PPP2R2C: variants seen among roughly 807,000 people sequenced by gnomAD.
The protein encoded by PPP2R2C is protein phosphatase 2, regulatory subunit B, gamma.
PPP2R2C carries 10 observed loss-of-function variants against 45.3 expected under a neutral mutation model. That is an observed-to-expected ratio of 0.22 (90% CI 0.14 to 0.37). The LOEUF (loss-of-function observed/expected upper bound fraction) is 0.37. Ranked by LOEUF, PPP2R2C falls within the 10% of genes least tolerant of loss-of-function variation. The probability of loss-of-function intolerance (pLI) is 1.00; values close to 1 mark genes in which losing one functional copy is unlikely to be tolerated. For synonymous variants in PPP2R2C, 257 were observed against 245.4 expected, an observed-to-expected ratio of 1.05 and a Z score of -0.44; for missense variants, 308 against 619.7, an observed-to-expected ratio of 0.50 and a Z score of 5.34.
rs111897521 is a variant in PPP2R2C, at chr4:6,329,740, C to A, written c.961-387G>T. Among the ~76,000 whole-genome samples the A allele has an allele frequency of 4.9e-3, 740 of 152,248 alleles. 2 individuals are homozygous for A. The highest frequency in any genetic ancestry group is 0.017 in the African/African-American group (711 of 41,542). ...GCTGTGGCCAGAGACGGGAGTAGCA[C>A]CAGGGAGCAGAGTCCACTGTGACAA... On this transcript the variant is annotated intron_variant, in intron 7 of 8. Coordinates refer to ENST00000382599, the MANE Select transcript of PPP2R2C (RefSeq NM_020416.4). The surrounding 1 kb of genome is among the most constrained non-coding windows in gnomAD (Gnocchi z 5.8).
rs182262112 is a variant in PPP2R2C at position 6,432,576 on chromosome 4, G to C, written c.70+39584C>G. Among the ~76,000 whole-genome samples, 509 of 152,306 alleles carry C rather than the reference G, an allele frequency of 3.3e-3. 5 individuals are homozygous for C. The highest frequency in any genetic ancestry group is 0.012 in the African/African-American group (482 of 41,560). On this transcript the variant is annotated intron_variant, in intron 1 of 8. Coordinates refer to ENST00000382599, the MANE Select transcript of PPP2R2C (RefSeq NM_020416.4). ...CCAGTATTTCAGGATAGAGGATTTG[G>C]ACTGTACAGTAATATGGTGCACAGG...
At chr4:6,495,894 A>G (rs76641211) in intron 2 of PPP2R2C, among the ~76,000 whole-genome samples, 1,907 of 152,306 alleles carry the variant, frequency 0.013, 10 homozygotes, top group Non-Finnish European at 0.021. Context: ...TGCATCTTAG[A>G]GGGCTAAAAT....
At chr4:6,381,903 C>T (rs745775806) in intron 1 of PPP2R2C, 93 of 1,594,990 alleles carry the variant, frequency 5.8e-5, no homozygotes, top group Non-Finnish European at 7.8e-5. Flanking sequence ...CCATCACCAA[C>T]ATTCTCAGGT....
intron 2 of PPP2R2C, among the ~76,000 whole-genome samples, chr4:6,499,594 G>T (rs1722982032): frequency 6.6e-6 from 1 of 152,026 alleles, no homozygotes; most frequent in Non-Finnish European, 1.5e-5. Context: ...ATGCATCAAG[G>T]GCTCAGTTCT....
Position 6,346,055 on chromosome 4 carries a change from GC to G in PPP2R2C, c.790+1790del, listed in dbSNP as rs551667255. Among the ~76,000 whole-genome samples, 483 of 152,140 alleles carry G rather than the reference GC, an allele frequency of 3.2e-3. 2 individuals are homozygous for G. The highest frequency in any genetic ancestry group is 4.9e-3 in the Non-Finnish European group (335 of 67,990). ...CAGCTCAAACCAACCACAGAGTCAC[GC>G]CCCACAAGGCAAAGCTCGACCTCCA... On this transcript the variant is annotated intron_variant, in intron 6 of 8. Transcript: ENST00000382599.
chr4:6,370,362 G>A (rs1215817780), intron 5 of PPP2R2C, among the ~76,000 whole-genome samples: 2 of 152,192 alleles, frequency 1.3e-5, no homozygotes, highest in African/African-American at 2.4e-5. Flanking sequence ...TGTACGGTAC[G>A]GTCCAGGCCG....
At chr4:6,370,283 G>A (rs1462207463) in intron 5 of PPP2R2C, among the ~76,000 whole-genome samples, 1 of 152,218 alleles carries the variant, frequency 6.6e-6, no homozygotes, top group Non-Finnish European at 1.5e-5. Context: ...TGTGAAATGG[G>A]GTGATCATCA....
chr4:6,384,963 T>C lies in PPP2R2C; in HGVS notation c.71-3869A>G, dbSNP rs377506494. ...GGTTTCATTATCTGTAGTGTGCTTA[T>C]GGTGGAGCCTTCCCAGGATTAGAGG... On this transcript the variant is annotated intron_variant, in intron 1 of 8. Coordinates refer to ENST00000382599, the MANE Select transcript of PPP2R2C (RefSeq NM_020416.4). 72 of 579,250 alleles carry C rather than the reference T, an allele frequency of 1.2e-4. 1 individual carries two copies. In the East Asian group the frequency reaches 6.0e-3, roughly 48 times the overall value. 35.9% of individuals were successfully genotyped at this position (579,250 alleles called of 1,614,324 possible). A position where few individuals can be genotyped will look rare whatever the true frequency, so the allele number is the denominator to read the frequency against.
chr4:6,534,719 T>C (rs1049430844), intron 2 of PPP2R2C, among the ~76,000 whole-genome samples: 1 of 152,084 alleles, frequency 6.6e-6, no homozygotes, highest in African/African-American at 2.4e-5. Context: ...GGCGCCTTCC[T>C]GCACCCTGTA....
chr4:6,423,798 T>A (rs1454213651), intron 1 of PPP2R2C, among the ~76,000 whole-genome samples: 1 of 152,130 alleles, frequency 6.6e-6, no homozygotes, highest in Non-Finnish European at 1.5e-5. Flanking sequence ...GGTAGTGGTA[T>A]GAGCAGAGGC....
At chr4:6,539,107 A>C (rs1724725194) in intron 1 of PPP2R2C, among the ~76,000 whole-genome samples, 1 of 151,920 alleles carries the variant, frequency 6.6e-6, no homozygotes, top group Non-Finnish European at 1.5e-5. Context: ...CATTAAGCTG[A>C]GTCCCTAATC....
chr4:6,402,995 G>A (rs796565919), intron 1 of PPP2R2C, among the ~76,000 whole-genome samples: 3 of 152,170 alleles, frequency 2.0e-5, no homozygotes, highest in Admixed American at 6.5e-5. Flanking sequence ...CACGTCTCCC[G>A]GCTCACTCAC....
At chr4:6,376,499 C>T (rs562516721) in intron 3 of PPP2R2C, among the ~76,000 whole-genome samples, 1 of 151,708 alleles carries the variant, frequency 6.6e-6, no homozygotes, top group African/African-American at 2.4e-5. Flanking sequence ...ATCACCCAGG[C>T]TGGAGTGCAG....
chr4:6,345,801 C>T lies in PPP2R2C; in HGVS notation c.790+2045G>A, dbSNP rs1368564171. ...CTTTGTTGTGGCGCACAGGACGCAG[C>T]CCCGAGCCCCCTGCACCCCGGGAAT... On this transcript the variant is annotated intron_variant, in intron 6 of 8. Transcript: ENST00000382599. The surrounding 1 kb of genome is among the most constrained non-coding windows in gnomAD (Gnocchi z 5.3). Among the ~76,000 whole-genome samples the T allele has an allele frequency of 1.3e-5, 2 of 152,158 alleles. No homozygotes were observed. The highest frequency in any genetic ancestry group is 2.9e-5 in the Non-Finnish European group (2 of 68,008).
At chr4:6,511,002 A>AC (rs1723426742) in intron 2 of PPP2R2C, among the ~76,000 whole-genome samples, 1 of 148,382 alleles carries the variant, frequency 6.7e-6, no homozygotes, top group African/African-American at 2.5e-5. Context: ...AACAAACAAA[A>AC]AAAAAAACAG....
chr4:6,470,789 C>T (rs1056652384), intron 1 of PPP2R2C, among the ~76,000 whole-genome samples: 62 of 152,148 alleles, frequency 4.1e-4, no homozygotes, highest in Non-Finnish European at 6.8e-4. Context: ...AGAGCCCCAC[C>T]GGCCCGGAGG....
intron 1 of PPP2R2C, among the ~76,000 whole-genome samples, chr4:6,552,672 G>T (rs1272539491): frequency 6.6e-6 from 1 of 152,074 alleles, no homozygotes; most frequent in African/African-American, 2.4e-5. Flanking sequence ...CCCAACTCAA[G>T]AGCCTTAACT....
chr4:6,382,154 C>T lies in PPP2R2C; in HGVS notation c.71-1060G>A. On this transcript the variant is annotated intron_variant, in intron 1 of 8. Transcript: ENST00000382599. Reference sequence around the variant, plus strand: ...AAGTAGAAGATTTCCTATAAAAATCCACATTTCCAGTATGTCTTGGAAGAT... The same window carrying T: ...AAGTAGAAGATTTCCTATAAAAATCTACATTTCCAGTATGTCTTGGAAGAT... 2.5e-6 allele frequency: 3 copies of T among 1,205,026 alleles called. No homozygotes were observed. The South Asian group carries it at 5.1e-5, about 20-fold the overall frequency. The allele number at this position is 1,205,026 out of a possible 1,614,324, so 74.6% of individuals were successfully genotyped here.
intron 2 of PPP2R2C, among the ~76,000 whole-genome samples, chr4:6,487,069 C>T (rs1722552666): frequency 6.6e-6 from 1 of 151,832 alleles, no homozygotes; most frequent in Non-Finnish European, 1.5e-5. Flanking sequence ...CACAGTCTAC[C>T]TTCAGGTGAT....
Sources: allele counts gnomAD v4.1 joint callset (sites outside exome capture counted in the v4.1 genomes callset), GRCh38; gene constraint gnomAD v4.1.1; non-coding constraint Gnocchi (gnomAD v3.1); transcripts MANE v1.5; gene names NCBI Gene and HGNC (gene_info 2026-07-23, HGNC 2026-07-21).